The following PPP1R13B variants were observed in gnomAD, a reference collection of about 807,000 sequenced individuals.
PPP1R13B encodes apoptosis-stimulating of p53 protein 1.
A neutral mutation model predicts 119.8 loss-of-function variants in PPP1R13B; 44 were observed. That is an observed-to-expected ratio of 0.37 (90% CI 0.29 to 0.47). PPP1R13B has a LOEUF of 0.47. Among genes scored for constraint, PPP1R13B ranks in the 20% least tolerant of loss-of-function variants. The pLI, the probability that PPP1R13B is intolerant of heterozygous loss-of-function variation, is 0.99. For synonymous variants in PPP1R13B, 542 were observed against 561.5 expected (o/e 0.97, Z 0.49); for missense variants, 1,227 against 1,413.5 (o/e 0.87, Z 2.12).
At position 103,738,472 on chromosome 14, in the gene PPP1R13B, G is replaced by C; in HGVS notation, c.2864+207C>G. 1 of 716,580 alleles carries C rather than the reference G, an allele frequency of 1.4e-6. No individual in the cohort carries two copies. The highest frequency in any genetic ancestry group is 1.9e-5 in the South Asian group (1 of 51,676). The allele number at this position is 716,580 out of a possible 1,614,324, so 44.4% of individuals were successfully genotyped here. ...GAGGCACAGAAAGAGCATAACCACAGCCACGTTTTTAACAAAATCATCAAG... is the reference window on the plus strand; with the variant it reads ...GAGGCACAGAAAGAGCATAACCACACCCACGTTTTTAACAAAATCATCAAG... On this transcript the variant is annotated intron_variant, in intron 14 of 16. Transcript: ENST00000202556. The surrounding 1 kb of genome is among the most constrained non-coding windows in gnomAD (Gnocchi z 5.6).
At chr14:103,782,601 G>A (rs11160760) in intron 3 of PPP1R13B, among the ~76,000 whole-genome samples, 6 of 151,976 alleles carry the variant, frequency 3.9e-5, no homozygotes, top group Non-Finnish European at 8.8e-5. Context: ...TGCAGAAGAC[G>A]GCCTGTTTCT....
Position 103,746,496 on chromosome 14 carries a change from C to A in PPP1R13B, c.1027G>T (p.Val343Phe), listed in dbSNP as rs955607664. 7.4e-6 allele frequency: 12 copies of A among 1,614,044 alleles called. No individual in the cohort carries two copies. Among genetic ancestry groups the A allele is most frequent in the African/African-American group, 1.3e-5 (1 of 75,062 alleles). The change falls in exon 9 of 17, where the codon GTC becomes TTC. Residue 343 changes from valine to phenylalanine, a missense_variant. By Grantham distance (50) the Val-to-Phe change is conservative. Coordinates refer to ENST00000202556, the MANE Select transcript of PPP1R13B (RefSeq NM_015316.3). Reference sequence around the variant, plus strand: ...TGGATATAAGGCCCCACAGCAGCGACCCTGCCCGATGTGCTCAGAGGGGAC... The same window carrying A: ...TGGATATAAGGCCCCACAGCAGCGAACCTGCCCGATGTGCTCAGAGGGGAC... Reference protein sequence around the residue: ...PQSPLSTSGRVAAVGPYIQVP... With the variant: ...PQSPLSTSGRFAAVGPYIQVP...
rs1223999383 is a variant in PPP1R13B, at chr14:103,734,554, T to C, written c.*600A>G. 2.2e-6 allele frequency: 1 copy of C among 456,294 alleles called. No homozygotes were observed. Among genetic ancestry groups the C allele is most frequent in the Non-Finnish European group, 4.4e-6 (1 of 226,790 alleles). 28.3% of individuals were successfully genotyped at this position (456,294 alleles called of 1,614,324 possible). On this transcript the variant is annotated 3_prime_UTR_variant, in exon 17 of 17. Transcript: ENST00000202556. Reference sequence around the variant, plus strand: ...AGTGCTGGGCCTGCACAATCAGCCTTTAGGTGAACTGGAACAGGAAGCGGA... The same window carrying C: ...AGTGCTGGGCCTGCACAATCAGCCTCTAGGTGAACTGGAACAGGAAGCGGA...
intron 11 of PPP1R13B, among the ~76,000 whole-genome samples, chr14:103,741,425 G>A (rs1814174269): frequency 6.6e-6 from 1 of 152,220 alleles, no homozygotes; most frequent in Non-Finnish European, 1.5e-5. Context: ...TACCAGGAGG[G>A]CCAGTGGTCA....
intron 1 of PPP1R13B, among the ~76,000 whole-genome samples, chr14:103,838,237 CAG>C (rs1491518775): frequency 6.0e-5 from 9 of 150,362 alleles, no homozygotes; most frequent in Non-Finnish European, 1.3e-4. Context: ...CACACACACA[CAG>C]ACACACACAG....
At position 103,737,798 on chromosome 14, in the gene PPP1R13B, C is replaced by T; in HGVS notation, c.2927G>A (p.Ser976Asn). 6.2e-7 allele frequency: 1 copy of T among 1,614,250 alleles called. No homozygotes were observed. The highest frequency in any genetic ancestry group is 1.1e-5 in the South Asian group (1 of 91,080). ...GGTTGAGGCAAAAATGGCGGCACCA[C>T]TCTCCACCAGCTGTTTGCAGAGGTG... is the stretch of plus-strand genomic sequence containing the variant. ...SVHLCKQLVESGAAIFASTIS... is the reference protein window; with the variant it reads ...SVHLCKQLVENGAAIFASTIS... Residue 976 changes from serine (S) to asparagine (N), a missense_variant, in exon 15 of 17, where the codon AGT becomes AAT. Physicochemically the swap from Ser to Asn is conservative, Grantham distance 46. Transcript: ENST00000202556.
intron 11 of PPP1R13B, 112 bp downstream of exon 11, chr14:103,741,676 TAA>T: frequency 7.6e-7 from 1 of 1,321,774 alleles, no homozygotes; most frequent in Admixed American, 2.3e-5. Context: ...ATGTAAGAAT[TAA>T]GTTTAATCCT....
At chr14:103,790,607 T>C (rs892376739) in intron 2 of PPP1R13B, among the ~76,000 whole-genome samples, 1 of 151,988 alleles carries the variant, frequency 6.6e-6, no homozygotes, top group African/African-American at 2.4e-5. Flanking sequence ...CAAAACCCCA[T>C]CTTTACTAAA....
intron 1 of PPP1R13B, among the ~76,000 whole-genome samples, chr14:103,817,039 G>C (rs892170208): frequency 6.6e-6 from 1 of 152,290 alleles, no homozygotes; most frequent in South Asian, 2.1e-4. Flanking sequence ...AATGCTCAGA[G>C]TTACTGTTCT....
intron 1 of PPP1R13B, among the ~76,000 whole-genome samples, chr14:103,801,832 G>A (rs2085907223): frequency 6.6e-6 from 1 of 152,118 alleles, no homozygotes; most frequent in African/African-American, 2.4e-5. Flanking sequence ...CACAATTGAA[G>A]TAAGATATAT....
chr14:103,805,996 T>C lies in PPP1R13B; in HGVS notation c.10-8478A>G, dbSNP rs143225831. On this transcript the variant is annotated intron_variant, in intron 1 of 16. Coordinates refer to ENST00000202556, the MANE Select transcript of PPP1R13B (RefSeq NM_015316.3). ...TTACTAAAGATCACTGAATGTTCAC[T>C]TAAAATAGGTAAACTTTACGGCACA... Among the ~76,000 whole-genome samples, 789 of 152,362 alleles carry C rather than the reference T, an allele frequency of 5.2e-3. 29 individuals carry two copies. Among genetic ancestry groups the C allele is most frequent in the Admixed American group, 0.044 (675 of 15,300 alleles).
rs34674155 is a variant in PPP1R13B at position 103,778,263 on chromosome 14, C to CTTTTTTTT, written c.354+474_354+481dup. ...AGCCACCACGCCTGGCCACATCTGA[C>CTTTTTTTT]TTTTTTTTTTTTTTTTTTTTGACAC... On this transcript the variant is annotated intron_variant, in intron 4 of 16. Transcript: ENST00000202556. Among the ~76,000 whole-genome samples, 2 of 99,502 alleles carry CTTTTTTTT rather than the reference C, an allele frequency of 2.0e-5. 1 individual carries two copies. Among genetic ancestry groups the CTTTTTTTT allele is most frequent in the African/African-American group, 8.5e-5 (2 of 23,632 alleles). 65.3% of individuals were successfully genotyped at this position (99,502 alleles called of 152,430 possible). A position where few individuals can be genotyped will look rare whatever the true frequency, so the allele number is the denominator to read the frequency against.
intron 1 of PPP1R13B, among the ~76,000 whole-genome samples, chr14:103,810,276 G>C (rs1391338226): frequency 6.6e-6 from 1 of 151,668 alleles, no homozygotes; most frequent in Non-Finnish European, 1.5e-5. Flanking sequence ...ACAAAAATTA[G>C]CCCGACGTGG....
chr14:103,847,235 G>C, intron 1 of PPP1R13B, 64 bp downstream of exon 1: 2 of 1,117,298 alleles, frequency 1.8e-6, no homozygotes, highest in Non-Finnish European at 2.2e-6. Context: ...GCCGCGGGAG[G>C]AAGGAGGTTT....
intron 1 of PPP1R13B, among the ~76,000 whole-genome samples, chr14:103,820,894 T>C (rs1220272068): frequency 2.6e-5 from 4 of 152,030 alleles, no homozygotes; most frequent in Admixed American, 2.6e-4. Context: ...CTAAAGTTGT[T>C]TGCGGGGAAA....
chr14:103,779,159 G>A (rs896598443), intron 3 of PPP1R13B, among the ~76,000 whole-genome samples: 1 of 141,704 alleles, frequency 7.1e-6, no homozygotes, highest in African/African-American at 2.7e-5. Context: ...GTATGGTGGT[G>A]CACCCTGTAG....
At chr14:103,823,951 C>T (rs1316409652) in intron 1 of PPP1R13B, among the ~76,000 whole-genome samples, 2 of 151,752 alleles carry the variant, frequency 1.3e-5, no homozygotes, top group Non-Finnish European at 2.9e-5. Context: ...CACTTTCCTT[C>T]CTTTTTCACA....
At position 103,737,794 on chromosome 14, in the gene PPP1R13B, A is replaced by G. The variant is rs1187026696; in HGVS notation, c.2931T>C (p.Gly977=). The G allele has an allele frequency of 1.5e-5, 24 of 1,614,118 alleles. No individual in the cohort carries two copies. Among genetic ancestry groups the G allele is most frequent in the Non-Finnish European group, 1.9e-5 (23 of 1,180,048 alleles). ...VHLCKQLVES[G]AAIFASTISD... is the part of the protein sequence containing the mutation. ...TTATGGTTGAGGCAAAAATGGCGGC[A>G]CCACTCTCCACCAGCTGTTTGCAGA... The change falls in exon 15 of 17, where the codon GGT becomes GGC. Residue 977 remains glycine, a synonymous_variant. Transcript: ENST00000202556.
At chr14:103,737,638 C>T in intron 15 of PPP1R13B, 56 bp downstream of exon 15, 3 of 1,569,988 alleles carry the variant, frequency 1.9e-6, no homozygotes, top group Non-Finnish European at 2.6e-6. Context: ...CTGACTGTTG[C>T]CATGGCAGTA....
Sources: gnomAD v4.1 joint callset for allele counts (sites outside exome capture counted in the v4.1 genomes callset) on GRCh38, gnomAD v4.1.1 for gene constraint, Gnocchi (gnomAD v3.1) non-coding constraint, MANE v1.5 for transcripts, NCBI Gene and HGNC (gene_info 2026-07-23, HGNC 2026-07-21) for gene names.